DLG2: variants seen among roughly 807,000 people sequenced by gnomAD.
DLG2 encodes disks large homolog 2.
In DLG2, 45 loss-of-function variants were observed where a neutral mutation model predicts 132.5. The ratio of observed to expected loss-of-function variants is 0.34; its 90% CI spans 0.27 to 0.44. The LOEUF (loss-of-function observed/expected upper bound fraction) is 0.44. DLG2 is among the 20% of genes least tolerant of loss of function. The pLI, the probability that DLG2 is intolerant of heterozygous loss-of-function variation, is 1.00. For synonymous variants in DLG2, 424 were observed against 419.6 expected (o/e 1.01, Z -0.13); for missense variants, 1,045 against 1,196.9 (o/e 0.87, Z 1.87).
chr11:83,597,925 AG>A (rs1261535657), intron 19 of DLG2, among the ~76,000 whole-genome samples: 1 of 152,258 alleles, frequency 6.6e-6, no homozygotes, highest in African/African-American at 2.4e-5. Flanking sequence ...CAACATCTTA[AG>A]AAGGCCAATA....
chr11:84,471,380 C>A (rs1210133568), intron 7 of DLG2, among the ~76,000 whole-genome samples: 1 of 151,724 alleles, frequency 6.6e-6, no homozygotes, highest in East Asian at 2.0e-4. Flanking sequence ...TCTCCTGTAG[C>A]CCCCTCTGTC....
chr11:85,596,933 A>G (rs1305887046), intron 3 of DLG2, among the ~76,000 whole-genome samples: 1 of 152,206 alleles, frequency 6.6e-6, no homozygotes, highest in Non-Finnish European at 1.5e-5. Context: ...TCTTGTTTGC[A>G]CTCTGGTTTA....
At chr11:84,207,081 C>CTCCA (rs148707321) in intron 8 of DLG2, among the ~76,000 whole-genome samples, 1 of 146,904 alleles carries the variant, frequency 6.8e-6, no homozygotes, top group Non-Finnish European at 1.5e-5. Flanking sequence ...CTCTCTCTCT[C>CTCCA]TATATATATA....
In DLG2 at chr11:84,910,399, C is replaced by T. The variant is rs2091946211; in HGVS notation, c.357+201262G>A. ...TTTTCTTGAACTAGTCAAATGCTTT[C>T]CTAGAAATTTGTATTATAAAATTTT... On this transcript the variant is annotated intron_variant, in intron 6 of 27. Coordinates refer to ENST00000376104, the MANE Select transcript of DLG2 (RefSeq NM_001142699.3). Among the ~76,000 whole-genome samples the T allele has an allele frequency of 2.0e-5, 3 of 152,012 alleles. No individual in the cohort carries two copies. In the South Asian group the frequency reaches 6.2e-4, roughly 32 times the overall value.
At chr11:83,576,029 T>C (rs1388491946) in intron 19 of DLG2, among the ~76,000 whole-genome samples, 3 of 152,072 alleles carry the variant, frequency 2.0e-5, no homozygotes, top group Non-Finnish European at 1.5e-5. Flanking sequence ...TTGCAGATGG[T>C]CAACAAGTTA....
chr11:84,778,544 T>C lies in DLG2; in HGVS notation c.358-243813A>G, dbSNP rs943026647. ...AATCTGTAGATTGCTTTGAGCAGTATAGTCATGTTAACAATATTAATTCTT... is the reference window on the plus strand; with the variant it reads ...AATCTGTAGATTGCTTTGAGCAGTACAGTCATGTTAACAATATTAATTCTT... On this transcript the variant is annotated intron_variant, in intron 6 of 27. Transcript: ENST00000376104. 1.3e-4 allele frequency among the ~76,000 whole-genome samples: 20 copies of C among 152,338 alleles called. 1 individual carries two copies. The highest frequency in any genetic ancestry group is 6.8e-3 in the Middle Eastern group (2 of 294).
intron 2 of DLG2, among the ~76,000 whole-genome samples, chr11:85,619,819 G>A (rs949071261): frequency 5.3e-5 from 8 of 151,450 alleles, no homozygotes; most frequent in Middle Eastern, 3.2e-3. Context: ...GGGCAACAGA[G>A]CAAAACTCCG....
intron 6 of DLG2, among the ~76,000 whole-genome samples, chr11:84,744,688 T>C (rs2065125326): frequency 6.6e-6 from 1 of 151,958 alleles, no homozygotes; most frequent in Non-Finnish European, 1.5e-5. Flanking sequence ...TTTCAACTAA[T>C]AAAAAAGGTA....
intron 21 of DLG2, among the ~76,000 whole-genome samples, chr11:83,508,786 C>G (rs772619908): frequency 6.6e-5 from 10 of 152,150 alleles, no homozygotes; most frequent in South Asian, 2.1e-4. Context: ...TTTTGCCCAG[C>G]CGGCAAGTGG....
intron 6 of DLG2, among the ~76,000 whole-genome samples, chr11:84,596,665 G>A (rs2099559531): frequency 6.6e-6 from 1 of 152,002 alleles, no homozygotes; most frequent in South Asian, 2.1e-4. Context: ...ATTTGTGGGT[G>A]GTACTCTGGC....
At chr11:84,023,216 A>G (rs1269555660) in intron 11 of DLG2, among the ~76,000 whole-genome samples, 1 of 152,158 alleles carries the variant, frequency 6.6e-6, no homozygotes, top group Non-Finnish European at 1.5e-5. Flanking sequence ...ACAGTTCTTA[A>G]ATGTAGTATT....
At chr11:85,313,112 G>A (rs368977245) in intron 3 of DLG2, among the ~76,000 whole-genome samples, 1 of 151,748 alleles carries the variant, frequency 6.6e-6, no homozygotes, top group African/African-American at 2.4e-5. Context: ...CACAGGTTCA[G>A]GGAAGTCATA....
chr11:83,861,343 T>C (rs2061424329), intron 16 of DLG2, among the ~76,000 whole-genome samples: 1 of 152,056 alleles, frequency 6.6e-6, no homozygotes, highest in African/African-American at 2.4e-5. Flanking sequence ...AACTAAAAAT[T>C]GAGCTATCAT....
chr11:83,596,805 T>C (rs561356017), intron 19 of DLG2, among the ~76,000 whole-genome samples: 28 of 86,534 alleles, frequency 3.2e-4, no homozygotes, highest in African/African-American at 1.0e-3. Context: ...TGCTTATCAT[T>C]TTTTCTTTTT....
intron 3 of DLG2, among the ~76,000 whole-genome samples, chr11:85,538,022 A>G (rs1184641219): frequency 6.6e-6 from 1 of 151,984 alleles, no homozygotes; most frequent in Non-Finnish European, 1.5e-5. Flanking sequence ...AGGCTGAGGC[A>G]GGAGAATGGC....
intron 6 of DLG2, among the ~76,000 whole-genome samples, chr11:84,704,970 A>G (rs12292760): frequency 0.023 from 3,465 of 150,652 alleles, 133 homozygotes; most frequent in African/African-American, 0.079. Context: ...TAGGCACATG[A>G]GCATGTACAC....
In DLG2 at chr11:85,131,629, GA is replaced by G. The variant is rs1362355440; in HGVS notation, c.283-19895del. 2.0e-5 allele frequency among the ~76,000 whole-genome samples: 3 copies of G among 152,098 alleles called. No individual in the cohort carries two copies. The South Asian group carries it at 6.2e-4, about 31-fold the overall frequency. On this transcript the variant is annotated intron_variant, in intron 5 of 27. Coordinates refer to ENST00000376104, the MANE Select transcript of DLG2 (RefSeq NM_001142699.3). Reference sequence around the variant, plus strand: ...GAGGCCTAGTCAACTAACTCAACTAGAAGTTTTAGGCTTTAAATCCACTAAC... The same window carrying G: ...GAGGCCTAGTCAACTAACTCAACTAGAGTTTTAGGCTTTAAATCCACTAAC...
intron 3 of DLG2, among the ~76,000 whole-genome samples, chr11:85,434,232 A>C (rs1484484669): frequency 6.6e-6 from 1 of 152,204 alleles, no homozygotes; most frequent in Admixed American, 6.5e-5. Flanking sequence ...AAAGATCTCA[A>C]ATCGACACCC....
chr11:84,941,190 A>T (rs1396199725), intron 6 of DLG2, among the ~76,000 whole-genome samples: 2 of 152,180 alleles, frequency 1.3e-5, no homozygotes, highest in African/African-American at 4.8e-5. Flanking sequence ...TTTTTCTCAG[A>T]ATTGCTTTAA....
Sources: gnomAD v4.1 joint callset for allele counts (sites outside exome capture counted in the v4.1 genomes callset) on GRCh38, gnomAD v4.1.1 for gene constraint, MANE v1.5 for transcripts, NCBI Gene and HGNC (gene_info 2026-07-23, HGNC 2026-07-21) for gene names.